AFF3: variants seen among roughly 807,000 people sequenced by gnomAD.
The protein encoded by AFF3 is AF4/FMR2 family member 3.
Under a neutral mutation model 129.7 loss-of-function variants are expected in AFF3, and 32 were observed. The ratio of observed to expected loss-of-function variants is 0.25; its 90% confidence interval spans 0.19 to 0.33. AFF3 has a LOEUF of 0.33. Among genes scored for constraint, AFF3 ranks in the 10% least tolerant of loss-of-function variants. The probability of loss-of-function intolerance (pLI) is 1.00; values close to 1 mark genes in which losing one functional copy is unlikely to be tolerated. For synonymous variants in AFF3, 644 were observed against 635.4 expected, an observed-to-expected ratio of 1.01 and a Z score of -0.20; for missense variants, 1,373 against 1,592.0, an observed-to-expected ratio of 0.86 and a Z score of 2.34.
intron 18 of AFF3, 38 bp downstream of exon 18, chr2:99,578,289 T>A: frequency 6.4e-7 from 1 of 1,567,598 alleles, no homozygotes. Flanking sequence ...TTCTGTTCTG[T>A]CTTGCCCCTC....
At chr2:99,838,728 G>T (rs1689084714) in intron 7 of AFF3, among the ~76,000 whole-genome samples, 1 of 152,184 alleles carries the variant, frequency 6.6e-6, no homozygotes, top group Non-Finnish European at 1.5e-5. Flanking sequence ...AATAACTATT[G>T]GCTGGTGGTA....
intron 7 of AFF3, among the ~76,000 whole-genome samples, chr2:99,959,899 A>G (rs1399525463): frequency 6.6e-6 from 1 of 151,764 alleles, no homozygotes; most frequent in Non-Finnish European, 1.5e-5. Flanking sequence ...GCATCAACCA[A>G]TCACATCTGC....
intron 7 of AFF3, among the ~76,000 whole-genome samples, chr2:99,922,097 A>C (rs577591493): frequency 6.6e-6 from 1 of 152,306 alleles, no homozygotes; most frequent in Admixed American, 6.5e-5. Context: ...ATATGGAGTA[A>C]CTGGAACTCT....
intron 11 of AFF3, among the ~76,000 whole-genome samples, chr2:99,689,548 T>C (rs1394776593): frequency 3.3e-5 from 5 of 151,746 alleles, no homozygotes; most frequent in African/African-American, 9.7e-5. Context: ...TTAGTCTTCA[T>C]GTCTGTCTCA....
At chr2:100,028,958 C>G (rs1684266887) in intron 4 of AFF3, among the ~76,000 whole-genome samples, 1 of 152,166 alleles carries the variant, frequency 6.6e-6, no homozygotes, top group African/African-American at 2.4e-5. Flanking sequence ...GGAGAGATAT[C>G]TACACCCCCA....
intron 13 of AFF3, among the ~76,000 whole-genome samples, chr2:99,628,983 A>T (rs1413758468): frequency 1.3e-5 from 2 of 152,060 alleles, no homozygotes; most frequent in Non-Finnish European, 2.9e-5. Flanking sequence ...CAGCCTCCCA[A>T]AGTGCTGGGA....
intron 7 of AFF3, 92 bp downstream of exon 7, chr2:100,006,539 GA>G: frequency 8.3e-6 from 12 of 1,451,640 alleles, no homozygotes; most frequent in Admixed American, 2.3e-5. Context: ...CCACATCACT[GA>G]AAAAAAAGAA....
In AFF3 at chr2:100,037,623, T is replaced by G. The variant is rs1387840253; in HGVS notation, c.54-28691A>C. 1.2e-3 allele frequency among the ~76,000 whole-genome samples: 99 copies of G among 83,760 alleles called. 1 individual carries two copies. Among genetic ancestry groups the G allele is most frequent in the African/African-American group, 4.7e-3 (94 of 19,854 alleles). 54.9% of individuals were successfully genotyped at this position (83,760 alleles called of 152,430 possible). On this transcript the variant is annotated intron_variant, in intron 4 of 24. Transcript: ENST00000672756. ...TTATATATAAATATATATTTATATTTTATATATTATTTATATATAAATATA... is the reference window on the plus strand; with the variant it reads ...TTATATATAAATATATATTTATATTGTATATATTATTTATATATAAATATA...
chr2:100,020,681 C>T (rs1269278838), intron 4 of AFF3, among the ~76,000 whole-genome samples: 1 of 152,098 alleles, frequency 6.6e-6, no homozygotes, highest in Non-Finnish European at 1.5e-5. Flanking sequence ...TCCAATCAAC[C>T]CTCTCTAGAC....
intron 4 of AFF3, among the ~76,000 whole-genome samples, chr2:100,011,282 A>G (rs558501462): frequency 6.6e-6 from 1 of 152,226 alleles, no homozygotes; most frequent in East Asian, 1.9e-4. Flanking sequence ...TCAAAAGAAA[A>G]AAAAGCTTGC....
At chr2:99,695,975 CA>C (rs10719353) in intron 11 of AFF3, among the ~76,000 whole-genome samples, 62,321 of 113,754 alleles carry the variant, frequency 0.55, 16,109 homozygotes, top group African/African-American at 0.66. Flanking sequence ...AAGAAAAAAC[CA>C]AAAAAAAAAA....
chr2:99,993,707 G>A (rs1049318177), intron 7 of AFF3, among the ~76,000 whole-genome samples: 1 of 133,986 alleles, frequency 7.5e-6, no homozygotes, highest in Non-Finnish European at 1.6e-5. Flanking sequence ...ATGAAAGAAA[G>A]ACAAAAATGA....
intron 11 of AFF3, among the ~76,000 whole-genome samples, chr2:99,712,881 A>T (rs142690183): frequency 6.6e-6 from 1 of 152,254 alleles, no homozygotes; most frequent in African/African-American, 2.4e-5. Flanking sequence ...TGGTCTGTAC[A>T]TATAATGGAA....
At chr2:100,137,231 T>A (rs1473397880) in intron 1 of AFF3, among the ~76,000 whole-genome samples, 6 of 152,202 alleles carry the variant, frequency 3.9e-5, no homozygotes, top group Non-Finnish European at 8.8e-5. Context: ...ATGACAGGAT[T>A]TCATGGTGTT....
At chr2:100,126,236 A>T (rs1312600766) in intron 2 of AFF3, among the ~76,000 whole-genome samples, 1 of 152,174 alleles carries the variant, frequency 6.6e-6, no homozygotes, top group Non-Finnish European at 1.5e-5. Flanking sequence ...TTTAGCACGG[A>T]GGCAGAGAAA....
chr2:99,708,211 C>A (rs1317426606), intron 11 of AFF3, among the ~76,000 whole-genome samples: 1 of 152,098 alleles, frequency 6.6e-6, no homozygotes, highest in East Asian at 1.9e-4. Flanking sequence ...TATCTGGCAA[C>A]ACTACTTTGG....
At chr2:99,891,879 C>G (rs112405192) in intron 7 of AFF3, among the ~76,000 whole-genome samples, 9 of 151,570 alleles carry the variant, frequency 5.9e-5, no homozygotes, top group South Asian at 2.1e-4. Flanking sequence ...CTGGAGTGCA[C>G]TGGCATGATC....
At chr2:100,093,781 A>C (rs3877637) in intron 4 of AFF3, among the ~76,000 whole-genome samples, 1 of 151,936 alleles carries the variant, frequency 6.6e-6, no homozygotes, top group Non-Finnish European at 1.5e-5. Flanking sequence ...GGGCTCTACA[A>C]TATGCCGCCG....
chr2:99,593,621 G>C lies in AFF3; in HGVS notation c.2040C>G (p.Asp680Glu), dbSNP rs775123774. ...SSSSSSSSDS[D>E]LESEQEEYPL... ...GGTACTCCTCCTGCTCGGACTCCAG[G>C]TCGGAGTCCGAGGAGGAGGATGAAG... The change falls in exon 15 of 25, where the codon GAC (aspartate) becomes GAG (glutamate). Residue 680 changes from aspartate to glutamate, a missense_variant. Asp to Glu is a conservative substitution (Grantham distance 45, BLOSUM62 2). Around this residue, in one of 9 missense-constraint regions of AFF3, gnomAD observed 466 missense variants for 505.0 expected, o/e 0.92. Coordinates refer to ENST00000672756, the MANE Select transcript of AFF3 (RefSeq NM_001386135.1). 3.1e-6 allele frequency: 5 copies of C among 1,610,930 alleles called. No homozygotes were observed. Among genetic ancestry groups the C allele is most frequent in the African/African-American group, 1.3e-5 (1 of 74,866 alleles).
Sources: allele counts gnomAD v4.1 joint callset (sites outside exome capture counted in the v4.1 genomes callset), GRCh38; gene constraint gnomAD v4.1.1; regional missense constraint gnomAD v4.1.1; transcripts MANE v1.5; gene names NCBI Gene and HGNC (gene_info 2026-07-23, HGNC 2026-07-21).